Variants in MARCHF8 observed in about 807,000 individuals in gnomAD.
MARCHF8 encodes E3 ubiquitin-protein ligase MARCHF8.
A neutral mutation model predicts 51.6 loss-of-function variants in MARCHF8; 40 were observed. That is an observed-to-expected ratio of 0.77 (90% confidence interval 0.60 to 1.01). MARCHF8 has a LOEUF of 1.01. MARCHF8 is among the 50% of genes least tolerant of loss of function. The pLI is 0.00. For synonymous variants in MARCHF8, 263 were observed against 280.3 expected (o/e 0.94, Z 0.62); for missense variants, 685 against 708.6 (o/e 0.97, Z 0.38).
chr10:45,519,404 A>G (rs1030526934), intron 2 of MARCHF8, among the ~76,000 whole-genome samples: 1 of 151,508 alleles, frequency 6.6e-6, no homozygotes, highest in Non-Finnish European at 1.5e-5. Context: ...ACATAAGGGA[A>G]GGTTTGGGAA....
intron 3 of MARCHF8, among the ~76,000 whole-genome samples, chr10:45,487,026 G>A (rs1320199617): frequency 6.6e-6 from 1 of 151,080 alleles, no homozygotes; most frequent in East Asian, 1.9e-4. Context: ...GGCCAGGCTG[G>A]TCTCAAACTC....
At chr10:45,526,256 G>C (rs2133253678) in intron 2 of MARCHF8, among the ~76,000 whole-genome samples, 1 of 152,232 alleles carries the variant, frequency 6.6e-6, no homozygotes, top group South Asian at 2.1e-4. Context: ...AGGAATCACT[G>C]ATCACAAAGG....
At chr10:45,495,140 A>T (rs2043150222) in intron 2 of MARCHF8, among the ~76,000 whole-genome samples, 1 of 152,020 alleles carries the variant, frequency 6.6e-6, no homozygotes, top group Non-Finnish European at 1.5e-5. Context: ...AAAAGAAAAG[A>T]AAAAGATTAA....
At chr10:45,489,911 G>GAT (rs1416200813) in intron 2 of MARCHF8, among the ~76,000 whole-genome samples, 11 of 152,248 alleles carry the variant, frequency 7.2e-5, no homozygotes, top group African/African-American at 2.4e-4. Context: ...ACTCAATCGG[G>GAT]ATATCACACA....
At chr10:45,570,575 C>T (rs1257878016) in intron 1 of MARCHF8, among the ~76,000 whole-genome samples, 1 of 152,106 alleles carries the variant, frequency 6.6e-6, no homozygotes, top group Non-Finnish European at 1.5e-5. Flanking sequence ...GAAATCGCAG[C>T]AAGTCTACTC....
chr10:45,577,591 A>T (rs2044504889), intron 1 of MARCHF8, among the ~76,000 whole-genome samples: 1 of 152,048 alleles, frequency 6.6e-6, no homozygotes, highest in South Asian at 2.1e-4. Flanking sequence ...CTTTTCCATC[A>T]CACGAAGATA....
chr10:45,592,466 G>C (rs531757818), intron 1 of MARCHF8, among the ~76,000 whole-genome samples: 21 of 152,190 alleles, frequency 1.4e-4, no homozygotes, highest in Admixed American at 1.4e-3. Flanking sequence ...GTCTTTTACG[G>C]GGGGGAAAAA....
At chr10:45,568,645 G>A (rs2044391997) in intron 1 of MARCHF8, among the ~76,000 whole-genome samples, 1 of 149,502 alleles carries the variant, frequency 6.7e-6, no homozygotes, top group African/African-American at 2.5e-5. Flanking sequence ...CTTGAACCCA[G>A]GAGGCGGAGG....
At chr10:45,538,740 A>G (rs1038496338), upstream of MARCHF8, among the ~76,000 whole-genome samples, 2 of 152,232 alleles carry the variant, frequency 1.3e-5, no homozygotes, top group African/African-American at 4.8e-5. Context: ...ATAATGGTAA[A>G]GGGATCAATT....
At chr10:45,548,565 G>GA (rs776121547) in intron 1 of MARCHF8, among the ~76,000 whole-genome samples, 53 of 152,284 alleles carry the variant, frequency 3.5e-4, no homozygotes, top group Non-Finnish European at 6.3e-4. Context: ...CTTGGTAATA[G>GA]AATGCAAAAA....
intron 1 of MARCHF8, among the ~76,000 whole-genome samples, chr10:45,589,102 C>G (rs747595507): frequency 3.4e-4 from 51 of 151,762 alleles, no homozygotes; most frequent in Non-Finnish European, 5.4e-4. Flanking sequence ...TGCAACACTG[C>G]TGCTTATGAG....
chr10:45,563,910 T>C (rs1250477358), intron 1 of MARCHF8, among the ~76,000 whole-genome samples: 2 of 152,200 alleles, frequency 1.3e-5, no homozygotes, highest in Admixed American at 1.3e-4. Context: ...TTTCAGCTAT[T>C]ACCCACCAAA....
chr10:45,512,280 C>T (rs1317320360), intron 2 of MARCHF8, among the ~76,000 whole-genome samples: 37 of 151,670 alleles, frequency 2.4e-4, no homozygotes, highest in Middle Eastern at 6.8e-3. Flanking sequence ...AGCCCCTACG[C>T]CCGGCAGCCA....
At position 45,458,518 on chromosome 10, in the gene MARCHF8, A is replaced by G; in HGVS notation, c.1443T>C (p.Thr481=). The G allele has an allele frequency of 6.2e-7, 1 of 1,601,058 alleles. No individual in the cohort carries two copies. The highest frequency in any genetic ancestry group is 8.5e-7 in the Non-Finnish European group (1 of 1,174,278). The change falls in exon 8 of 8, where the codon ACT becomes ACC. Residue 481 remains threonine (T), a synonymous_variant. Transcript: ENST00000453424. ...ATGILEWPFW[T]KLVVVAIGFT... is the part of the protein sequence containing the mutation. ...AGCCGATGGCCACAACCACCAATTT[A>G]GTCCAAAAGGGCCATTCTAGGATTC...
At chr10:45,574,710 C>G (rs1296191877) in intron 1 of MARCHF8, among the ~76,000 whole-genome samples, 1 of 152,220 alleles carries the variant, frequency 6.6e-6, no homozygotes, top group Non-Finnish European at 1.5e-5. Flanking sequence ...GTGGCGGCTA[C>G]CGCTGCCTTA....
At chr10:45,514,006 A>G (rs1012349219) in intron 2 of MARCHF8, among the ~76,000 whole-genome samples, 21 of 152,352 alleles carry the variant, frequency 1.4e-4, no homozygotes, top group African/African-American at 3.1e-4. Flanking sequence ...CCATAACTCC[A>G]TAATTTAAGT....
Position 45,469,633 on chromosome 10 carries a change from A to T in MARCHF8, c.154-5306T>A, listed in dbSNP as rs571106938. 2.0e-5 allele frequency among the ~76,000 whole-genome samples: 3 copies of T among 152,230 alleles called. No homozygotes were observed. In the East Asian group the frequency reaches 5.8e-4, roughly 29 times the overall value. On this transcript the variant is annotated intron_variant, in intron 3 of 7. Transcript: ENST00000453424. ...GTAATCCCAGCACTTTGGGGGGCCG[A>T]GGCGGGCGGATCACGAGGTCAGGAG...
intron 1 of MARCHF8, among the ~76,000 whole-genome samples, chr10:45,574,924 T>C (rs979036172): frequency 1.3e-5 from 2 of 150,906 alleles, no homozygotes; most frequent in African/African-American, 2.4e-5. Context: ...ATACTGACTC[T>C]AAATATGCCT....
At chr10:45,559,497 G>A (rs1272034593) in intron 1 of MARCHF8, among the ~76,000 whole-genome samples, 3 of 152,160 alleles carry the variant, frequency 2.0e-5, no homozygotes, top group Admixed American at 6.5e-5. Context: ...CTGAGATTAC[G>A]GGCATGCGCC....
Sources: allele counts gnomAD v4.1 joint callset (sites outside exome capture counted in the v4.1 genomes callset), GRCh38; gene constraint gnomAD v4.1.1; transcripts MANE v1.5; gene names NCBI Gene and HGNC (gene_info 2026-07-23, HGNC 2026-07-21).